The following PRH1 variants were observed in gnomAD, a reference collection of about 807,000 sequenced individuals.
The protein encoded by PRH1 is proline rich protein HaeIII subfamily 1, also known as salivary acidic proline-rich phosphoprotein 1/2.
Under a neutral mutation model 7.9 loss-of-function variants are expected in PRH1, and 7 were observed. The ratio of observed to expected loss-of-function variants is 0.89; its 90% CI spans 0.50 to 1.67. The LOEUF is 1.67. PRH1 is among the 40% of genes most tolerant of loss of function. The probability of loss-of-function intolerance (pLI) is 0.00; values close to 1 mark genes in which losing one functional copy is unlikely to be tolerated. For synonymous variants in PRH1, 45 were observed against 80.8 expected, an observed-to-expected ratio of 0.56 and a Z score of 2.38; for missense variants, 109 against 223.6, an observed-to-expected ratio of 0.49 and a Z score of 3.27.
At chr12:10,971,285 A>G (rs1217458827) in intron 2 of PRH1, among the ~76,000 whole-genome samples, 1 of 152,234 alleles carries the variant, frequency 6.6e-6, no homozygotes, top group Non-Finnish European at 1.5e-5. Context: ...GCAATGTATT[A>G]AAGATATATT....
intron 2 of PRH1, among the ~76,000 whole-genome samples, chr12:10,926,646 G>A (rs1348898392): frequency 1.3e-5 from 2 of 152,182 alleles, no homozygotes; most frequent in Admixed American, 6.5e-5. Context: ...AGACCTCCAG[G>A]AGAGAGCATT....
chr12:10,884,364 C>T, upstream of PRH1: 1 of 902,914 alleles, frequency 1.1e-6, no homozygotes, highest in Middle Eastern at 2.4e-4. Context: ...GCTTTGCTTA[C>T]TTCAGGTCAA....
intron 2 of PRH1, among the ~76,000 whole-genome samples, chr12:10,907,021 A>G (rs1949814742): frequency 6.6e-6 from 1 of 152,218 alleles, no homozygotes; most frequent in Non-Finnish European, 1.5e-5. Context: ...GGAAAATGTG[A>G]ATTAAAACTA....
chr12:10,908,395 T>C (rs1333738825), intron 2 of PRH1: 2 of 1,610,058 alleles, frequency 1.2e-6, no homozygotes, highest in Admixed American at 1.7e-5. Flanking sequence ...TCTCATCGTT[T>C]AGCCCATACC....
chr12:10,908,353 T>C, intron 2 of PRH1: 1 of 1,568,164 alleles, frequency 6.4e-7, no homozygotes, highest in South Asian at 1.2e-5. Context: ...TTCAATAATC[T>C]GTGGTCTGAA....
At chr12:11,124,550 C>T (rs1946039517) in intron 1 of PRH1, among the ~76,000 whole-genome samples, 1 of 152,286 alleles carries the variant, frequency 6.6e-6, no homozygotes. Context: ...CTGCACTACA[C>T]TTAACTTTCT....
intron 1 of PRH1, among the ~76,000 whole-genome samples, chr12:11,148,414 G>A (rs1412016337): frequency 6.8e-6 from 1 of 146,184 alleles, no homozygotes; most frequent in African/African-American, 2.5e-5. Flanking sequence ...GTATGATATT[G>A]GCTGTGGGTC....
Position 11,042,623 on chromosome 12 carries a change from C to CTTTTTTTTTTTTTTTTTTTT in PRH1, c.-126+4377_-126+4396dup, listed in dbSNP as rs71051557. ...AAGAGGGACTACTTCCAGGCTCATT[C>CTTTTTTTTTTTTTTTTTTTT]TTTTTTTTTTTTTTTTTTTTTTTTG... On this transcript the variant is annotated intron_variant, in intron 1 of 3. Coordinates refer to the PRH1 transcript ENST00000539853. Among the ~76,000 whole-genome samples the CTTTTTTTTTTTTTTTTTTTT allele has an allele frequency of 3.7e-3, 291 of 79,292 alleles. 26 individuals are homozygous for CTTTTTTTTTTTTTTTTTTTT. Among genetic ancestry groups the CTTTTTTTTTTTTTTTTTTTT allele is most frequent in the Non-Finnish European group, 4.6e-3 (200 of 43,784 alleles). 52.0% of individuals were successfully genotyped at this position (79,292 alleles called of 152,430 possible). A position where few individuals can be genotyped will look rare whatever the true frequency, so the allele number is the denominator to read the frequency against.
intron 1 of PRH1, among the ~76,000 whole-genome samples, chr12:11,135,059 T>C (rs1337602660): frequency 6.6e-6 from 1 of 152,160 alleles, no homozygotes; most frequent in Non-Finnish European, 1.5e-5. Flanking sequence ...TAATGTTTAT[T>C]TATCAAACAT....
At chr12:11,043,177 C>T (rs1406046977) in intron 1 of PRH1, among the ~76,000 whole-genome samples, 2 of 152,098 alleles carry the variant, frequency 1.3e-5, no homozygotes, top group African/African-American at 4.8e-5. Context: ...ATCATATCAA[C>T]AGAATGTAGG....
Position 11,131,453 on chromosome 12 carries a change from C to T in PRH1, n.40-10273G>A, listed in dbSNP as rs1240247698. 1.5e-4 allele frequency among the ~76,000 whole-genome samples: 23 copies of T among 149,592 alleles called. 1 individual carries two copies. Among genetic ancestry groups the T allele is most frequent in the Admixed American group, 1.0e-3 (15 of 14,974 alleles). On this transcript the variant is annotated intron_variant and non_coding_transcript_variant, in intron 1 of 1. Transcript: ENST00000541175. ...GTCATCACTTTAATATCAGGTATTA[C>T]GTTAAAAACATTTTAGTAAAGTAGC... is the stretch of plus-strand genomic sequence containing the variant.
At chr12:11,038,992 A>C (rs1397787293) in intron 1 of PRH1, among the ~76,000 whole-genome samples, 1 of 152,266 alleles carries the variant, frequency 6.6e-6, no homozygotes, top group Non-Finnish European at 1.5e-5. Context: ...TCATTATGTC[A>C]AATGACTTTG....
At chr12:10,882,181 T>C in intron 3 of PRH1, 36 bp downstream of exon 3, 1 of 1,610,612 alleles carries the variant, frequency 6.2e-7, no homozygotes. Flanking sequence ...ACTGTAGCAG[T>C]TGGAGCCTTT....
intron 1 of PRH1, among the ~76,000 whole-genome samples, chr12:11,072,143 G>A (rs1164060765): frequency 6.6e-6 from 1 of 152,084 alleles, no homozygotes; most frequent in Non-Finnish European, 1.5e-5. Flanking sequence ...AATTTTTGTT[G>A]TTGTTTTTTC....
At chr12:10,985,608 CATG>C (rs1939573292) in intron 1 of PRH1, among the ~76,000 whole-genome samples, 1 of 152,046 alleles carries the variant, frequency 6.6e-6, no homozygotes, top group South Asian at 2.1e-4. Flanking sequence ...TCAAGTGAAA[CATG>C]ATAATATGAA....
At chr12:11,022,672 T>C (rs1162474011) in intron 1 of PRH1, 5 of 878,526 alleles carry the variant, frequency 5.7e-6, no homozygotes, top group Non-Finnish European at 8.5e-6. Context: ...AAATGTGCAA[T>C]AACATTTTCT....
At chr12:10,956,654 T>G (rs771723522) in intron 2 of PRH1, among the ~76,000 whole-genome samples, 17 of 152,148 alleles carry the variant, frequency 1.1e-4, no homozygotes, top group African/African-American at 4.1e-4. Context: ...AATGTGACTT[T>G]ATACCTAGAA....
chr12:11,055,244 T>A (rs921716774), intron 1 of PRH1, among the ~76,000 whole-genome samples: 1 of 151,906 alleles, frequency 6.6e-6, no homozygotes, highest in Non-Finnish European at 1.5e-5. Context: ...CCAAAGAAAA[T>A]AATATGTTGA....
At chr12:11,131,733 T>C (rs998450644) in intron 1 of PRH1, among the ~76,000 whole-genome samples, 1 of 152,294 alleles carries the variant, frequency 6.6e-6, no homozygotes, top group African/African-American at 2.4e-5. Context: ...AATTGTGGAA[T>C]AGCCAAACTT....
Sources: gnomAD v4.1 joint callset for allele counts (sites outside exome capture counted in the v4.1 genomes callset) on GRCh38, gnomAD v4.1.1 for gene constraint, MANE v1.5 for transcripts, NCBI Gene and HGNC (gene_info 2026-07-23, HGNC 2026-07-21) for gene names.